DOCK10: variants seen among roughly 807,000 people sequenced by gnomAD.
DOCK10 encodes the protein dedicator of cytokinesis 10.
In DOCK10, 145 loss-of-function variants were observed where a neutral mutation model predicts 280.1. That is an observed-to-expected ratio of 0.52 (90% CI 0.45 to 0.59). DOCK10 has a LOEUF of 0.59. DOCK10 is among the 20% of genes least tolerant of loss of function. The probability of loss-of-function intolerance (pLI) is 0.00; values close to 1 mark genes in which losing one functional copy is unlikely to be tolerated. For missense variants in DOCK10, 2,368 were observed against 2,651.7 expected (o/e 0.89, Z 2.35); for synonymous variants, 915 against 942.2 (o/e 0.97, Z 0.53).
At chr2:224,783,496 C>G (rs141413607) in intron 50 of DOCK10, among the ~76,000 whole-genome samples, 3,920 of 151,980 alleles carry the variant, frequency 0.026, 172 homozygotes, top group African/African-American at 0.086. Context: ...GGATGGTCTT[C>G]ATCTCCTGAC....
chr2:225,015,465 T>C (rs1227299001), intron 1 of DOCK10, among the ~76,000 whole-genome samples: 1 of 152,220 alleles, frequency 6.6e-6, no homozygotes, highest in Non-Finnish European at 1.5e-5. Context: ...CCTTAGCATA[T>C]GTTTTCCTCA....
chr2:224,885,242 C>T (rs1699208356), intron 7 of DOCK10, among the ~76,000 whole-genome samples: 2 of 152,176 alleles, frequency 1.3e-5, no homozygotes, highest in Admixed American at 1.3e-4. Context: ...TCAAGTGATC[C>T]ACCCGCCTTG....
chr2:224,896,869 A>G (rs979511490), intron 3 of DOCK10, among the ~76,000 whole-genome samples: 5 of 152,222 alleles, frequency 3.3e-5, no homozygotes, highest in Non-Finnish European at 7.3e-5. Context: ...TCAATTTCCC[A>G]TGGAAATCTA....
chr2:224,913,637 C>T (rs758680447), intron 3 of DOCK10, among the ~76,000 whole-genome samples: 8 of 152,296 alleles, frequency 5.3e-5, no homozygotes, highest in Middle Eastern at 3.4e-3. Flanking sequence ...TTGGTTAAAT[C>T]TGTCAGTTTT....
At chr2:224,924,291 C>T (rs183175048) in intron 2 of DOCK10, among the ~76,000 whole-genome samples, 99 of 152,280 alleles carry the variant, frequency 6.5e-4, no homozygotes, top group African/African-American at 2.3e-3. Context: ...ACCATTACCA[C>T]GATTTAATTA....
At chr2:224,914,326 ATC>A (rs1701196999) in intron 3 of DOCK10, among the ~76,000 whole-genome samples, 1 of 152,194 alleles carries the variant, frequency 6.6e-6, no homozygotes, top group African/African-American at 2.4e-5. Context: ...TAAAGCTAGC[ATC>A]TCTCTAAGGA....
At chr2:224,881,368 C>A (rs1019353883) in intron 7 of DOCK10, among the ~76,000 whole-genome samples, 2 of 152,090 alleles carry the variant, frequency 1.3e-5, no homozygotes, top group African/African-American at 4.8e-5. Context: ...TGCAAGTTTT[C>A]CAATATATAC....
chr2:224,901,790 T>C (rs1029128105), intron 3 of DOCK10, among the ~76,000 whole-genome samples: 69 of 152,240 alleles, frequency 4.5e-4, no homozygotes, highest in African/African-American at 1.6e-3. Context: ...ACATGAGTGA[T>C]AATGTGGTCC....
chr2:224,837,640 A>C (rs1012126078), intron 25 of DOCK10, 122 bp downstream of exon 25: 2 of 735,224 alleles, frequency 2.7e-6, no homozygotes, highest in Non-Finnish European at 2.4e-6. Context: ...CAAATTCCTG[A>C]TATTACTGTG....
intron 30 of DOCK10, among the ~76,000 whole-genome samples, chr2:224,816,149 A>C (rs964322845): frequency 1.3e-5 from 2 of 151,170 alleles, no homozygotes; most frequent in African/African-American, 4.8e-5. Flanking sequence ...TTTTATTTGC[A>C]TCTTGATATT....
chr2:224,900,712 G>A (rs776013123), intron 3 of DOCK10, among the ~76,000 whole-genome samples: 4 of 152,116 alleles, frequency 2.6e-5, no homozygotes, highest in African/African-American at 9.7e-5. Flanking sequence ...TACCACCTTC[G>A]CTAGGATCAA....
chr2:224,918,923 G>A (rs1260077928), intron 2 of DOCK10, among the ~76,000 whole-genome samples: 1 of 145,860 alleles, frequency 6.9e-6, no homozygotes, highest in African/African-American at 2.5e-5. Context: ...TGTGGTATGT[G>A]TGGTGTGTAT....
intron 55 of DOCK10, among the ~76,000 whole-genome samples, chr2:224,768,553 T>C (rs1265638447): frequency 6.6e-6 from 1 of 152,220 alleles, no homozygotes; most frequent in Non-Finnish European, 1.5e-5. Flanking sequence ...AATCACCTAG[T>C]CCTTGTCTTT....
intron 1 of DOCK10, among the ~76,000 whole-genome samples, chr2:225,019,236 T>C (rs1185686218): frequency 6.6e-6 from 1 of 152,094 alleles, no homozygotes; most frequent in Non-Finnish European, 1.5e-5. Context: ...CCCGCTATCC[T>C]GTGTGGGATC....
At chr2:224,792,863 G>T in intron 47 of DOCK10, 111 bp downstream of exon 47, 1 of 791,982 alleles carries the variant, frequency 1.3e-6, no homozygotes, top group Non-Finnish European at 2.0e-6. Context: ...GGGTAGATCT[G>T]AGACAGTTTT....
Position 224,876,074 on chromosome 2 carries a change from C to T in DOCK10, c.895G>A (p.Gly299Arg). 1.9e-6 allele frequency: 3 copies of T among 1,613,854 alleles called. No individual in the cohort carries two copies. Among genetic ancestry groups the T allele is most frequent in the Middle Eastern group, 1.7e-4 (1 of 6,060 alleles). ...LQISPEGPLQ[G>R]RRSTELTDLG... ...TCAGTGAGCTCTGTGCTCCTCCTCCCTTGGAGGGGCCCCTCAGGACTGATT... is the reference window on the plus strand; with the variant it reads ...TCAGTGAGCTCTGTGCTCCTCCTCCTTTGGAGGGGCCCCTCAGGACTGATT... The change falls in exon 8 of 56, where the codon GGG becomes AGG. Residue 299 changes from glycine to arginine, a missense_variant. Around this residue, in one of 2 missense-constraint regions of DOCK10, gnomAD observed 1,209 missense variants for 1,250.9 expected, o/e 0.97. Coordinates refer to ENST00000258390, the MANE Select transcript of DOCK10 (RefSeq NM_014689.3).
Position 224,787,138 on chromosome 2 carries a change from G to C in DOCK10, c.5542-3C>G. 6.2e-7 allele frequency: 1 copy of C among 1,612,900 alleles called. No homozygotes were observed. Among genetic ancestry groups the C allele is most frequent in the Non-Finnish European group, 8.5e-7 (1 of 1,178,884 alleles). On this transcript the variant is annotated splice_polypyrimidine_tract_variant and splice_region_variant and intron_variant, in intron 49 of 55. Transcript: ENST00000258390. ...TCGTAGTAGAGATCTGACAATTTCT[G>C]AAACCATAAGTGAAAGAGTTTCATG...
intron 18 of DOCK10, among the ~76,000 whole-genome samples, chr2:224,850,975 A>G (rs1696691131): frequency 1.3e-5 from 2 of 152,258 alleles, no homozygotes; most frequent in South Asian, 4.1e-4. Flanking sequence ...TACAGGCCCC[A>G]TGGAACCAGC....
chr2:224,870,578 A>G (rs1009810735), intron 11 of DOCK10, among the ~76,000 whole-genome samples: 5 of 152,058 alleles, frequency 3.3e-5, no homozygotes, highest in African/African-American at 1.2e-4. Flanking sequence ...CCAATCCCAT[A>G]GCTACCCATT....
Sources: allele counts gnomAD v4.1 joint callset (sites outside exome capture counted in the v4.1 genomes callset), GRCh38; gene constraint gnomAD v4.1.1; regional missense constraint gnomAD v4.1.1; transcripts MANE v1.5; gene names NCBI Gene and HGNC (gene_info 2026-07-23, HGNC 2026-07-21).